CCNY: variants seen among roughly 807,000 people sequenced by gnomAD.
The protein encoded by CCNY is cyclin Y, also known as cyclin-Y.
In CCNY, 19 loss-of-function variants were observed where a neutral mutation model predicts 42.8. The ratio of observed to expected loss-of-function variants is 0.44; its 90% CI spans 0.31 to 0.65. The LOEUF (loss-of-function observed/expected upper bound fraction) is 0.65, where lower values mean the gene tolerates loss of function less well. CCNY is among the 30% of genes least tolerant of loss of function. CCNY has a pLI of 0.07. For missense variants in CCNY, 370 were observed against 437.3 expected (o/e 0.85, Z 1.37); for synonymous variants, 165 against 162.7 (o/e 1.01, Z -0.11).
Position 35,279,498 on chromosome 10 carries a change from A to G in CCNY, c.-9+28872A>G, listed in dbSNP as rs1565062390. 1.1e-4 allele frequency among the ~76,000 whole-genome samples: 17 copies of G among 152,290 alleles called. No homozygotes were observed. The South Asian group carries it at 2.7e-3, about 24-fold the overall frequency. ...ACTCCCATCTGCTCTGTTTTCCCTC[A>G]TGGAACAGTGTGCAGAGGGTCAGAT... On this transcript the variant is annotated intron_variant, in intron 3 of 11. Transcript: ENST00000374706.
intron 1 of CCNY, among the ~76,000 whole-genome samples, chr10:35,446,849 C>A (rs1329139206): frequency 6.6e-6 from 1 of 152,152 alleles, no homozygotes; most frequent in Non-Finnish European, 1.5e-5. Flanking sequence ...TCTCTTCATT[C>A]CTGACAGTTT....
At chr10:35,253,556 G>A (rs906884207) in intron 3 of CCNY, among the ~76,000 whole-genome samples, 6 of 150,842 alleles carry the variant, frequency 4.0e-5, no homozygotes, top group African/African-American at 1.5e-4. Context: ...GGGATTACAG[G>A]CATGAGCCAC....
intron 7 of CCNY, among the ~76,000 whole-genome samples, chr10:35,545,810 A>G (rs1841101491): frequency 1.3e-5 from 2 of 152,196 alleles, no homozygotes; most frequent in African/African-American, 4.8e-5. Context: ...ATTAACCTAT[A>G]TTAATAATAT....
intron 7 of CCNY, among the ~76,000 whole-genome samples, chr10:35,531,574 CGCAACAGG>C (rs1011935918): frequency 2.0e-5 from 3 of 152,150 alleles, no homozygotes; most frequent in Admixed American, 1.3e-4. Flanking sequence ...AACCAAAACA[CGCAACAGG>C]GCAACAGGGT....
chr10:35,408,264 G>C (rs1033868699), intron 1 of CCNY, among the ~76,000 whole-genome samples: 2 of 152,216 alleles, frequency 1.3e-5, no homozygotes, highest in African/African-American at 4.8e-5. Flanking sequence ...TCCCGAAGGA[G>C]TCCCGCTGAC....
At chr10:35,512,821 A>C (rs1190724086) in intron 3 of CCNY, among the ~76,000 whole-genome samples, 1 of 151,870 alleles carries the variant, frequency 6.6e-6, no homozygotes, top group Non-Finnish European at 1.5e-5. Flanking sequence ...GGATTTGAGG[A>C]GGTGTCGCGG....
intron 1 of CCNY, among the ~76,000 whole-genome samples, chr10:35,361,734 A>G (rs1836690750): frequency 6.6e-6 from 1 of 152,232 alleles, no homozygotes; most frequent in African/African-American, 2.4e-5. Context: ...AGATATTACA[A>G]AGATATATAA....
intron 3 of CCNY, among the ~76,000 whole-genome samples, chr10:35,301,432 G>A (rs1029240108): frequency 2.6e-5 from 4 of 152,134 alleles, no homozygotes; most frequent in African/African-American, 7.2e-5. Context: ...ACCTAGGAGA[G>A]TGAAGGTAAA....
At chr10:35,352,298 C>T (rs982652195) in intron 1 of CCNY, among the ~76,000 whole-genome samples, 4 of 152,292 alleles carry the variant, frequency 2.6e-5, no homozygotes, top group Admixed American at 6.5e-5. Flanking sequence ...TTTCCTTTCT[C>T]GTTAAGCTAA....
chr10:35,428,545 A>G (rs746725581), intron 1 of CCNY, among the ~76,000 whole-genome samples: 3 of 152,038 alleles, frequency 2.0e-5, no homozygotes, highest in Non-Finnish European at 4.4e-5. Context: ...TAATTTTGGT[A>G]TTTTTACTTA....
chr10:35,449,075 G>A (rs2431061), intron 1 of CCNY, among the ~76,000 whole-genome samples: 8,026 of 151,972 alleles, frequency 0.053, 317 homozygotes, highest in African/African-American at 0.11. Context: ...TGTTGATTTT[G>A]ATTTACATGT....
At chr10:35,528,074 G>A (rs899738772) in intron 5 of CCNY, among the ~76,000 whole-genome samples, 2 of 151,996 alleles carry the variant, frequency 1.3e-5, no homozygotes, top group Admixed American at 1.3e-4. Flanking sequence ...TGCTTTCAGG[G>A]GCTCTCATTC....
At chr10:35,292,123 G>C (rs531374690) in intron 3 of CCNY, among the ~76,000 whole-genome samples, 1 of 152,096 alleles carries the variant, frequency 6.6e-6, no homozygotes, top group African/African-American at 2.4e-5. Context: ...TAACGGTGTT[G>C]CATCTTTTCA....
intron 8 of CCNY, among the ~76,000 whole-genome samples, chr10:35,558,127 A>G (rs1046849035): frequency 6.6e-6 from 1 of 152,226 alleles, no homozygotes; most frequent in African/African-American, 2.4e-5. Context: ...ACTGGAAACC[A>G]TCTAAGTAGC....
intron 1 of CCNY, among the ~76,000 whole-genome samples, chr10:35,478,796 A>C (rs1181928899): frequency 2.6e-5 from 4 of 152,232 alleles, no homozygotes; most frequent in Admixed American, 1.3e-4. Context: ...AATGGGATCT[A>C]ATTAAACTAA....
chr10:35,540,564 C>CTTTTTT (rs561129843), intron 7 of CCNY, among the ~76,000 whole-genome samples: 1 of 144,808 alleles, frequency 6.9e-6, no homozygotes, highest in African/African-American at 2.5e-5. Flanking sequence ...ATTCCTTCTA[C>CTTTTTT]TTTTTTTTTT....
chr10:35,325,340 G>A (rs1415658331), intron 3 of CCNY, among the ~76,000 whole-genome samples: 2 of 151,724 alleles, frequency 1.3e-5, no homozygotes, highest in Non-Finnish European at 2.9e-5. Context: ...CATCACACCT[G>A]GCTAATTTTT....
intron 1 of CCNY, among the ~76,000 whole-genome samples, chr10:35,465,953 G>GTGTGTGTGTGTGTC (rs1344748922): frequency 1.3e-5 from 2 of 151,470 alleles, no homozygotes; most frequent in African/African-American, 4.9e-5. Context: ...GTGTGTGTGT[G>GTGTGTGTGTGTGTC]TGTGTGTCTG....
rs183623874 is a variant in CCNY at position 35,491,602 on chromosome 10, C to T, written c.229+8124C>T. Among the ~76,000 whole-genome samples, 166 of 152,254 alleles carry T rather than the reference C, an allele frequency of 1.1e-3. 2 individuals are homozygous for T. Among genetic ancestry groups the T allele is most frequent in the Admixed American group, 2.3e-3 (35 of 15,300 alleles). Reference sequence around the variant, plus strand: ...TTCCTCTCCTGCCAGCTTCCTCTCCCTTGTCACCTAATTTTTTATTTATTT... The same window carrying T: ...TTCCTCTCCTGCCAGCTTCCTCTCCTTTGTCACCTAATTTTTTATTTATTT... On this transcript the variant is annotated intron_variant, in intron 2 of 9. Coordinates refer to ENST00000374704, the MANE Select transcript of CCNY (RefSeq NM_145012.6).
Sources: allele counts gnomAD v4.1 joint callset (sites outside exome capture counted in the v4.1 genomes callset), GRCh38; gene constraint gnomAD v4.1.1; transcripts MANE v1.5; gene names NCBI Gene and HGNC (gene_info 2026-07-23, HGNC 2026-07-21).